The following SLC5A4 variants were observed in gnomAD, a reference collection of about 807,000 sequenced individuals.
SLC5A4 encodes solute carrier family 5 member 4.
A neutral mutation model predicts 70.3 loss-of-function variants in SLC5A4; 55 were observed. The ratio of observed to expected loss-of-function variants is 0.78; its 90% CI spans 0.63 to 0.98. The LOEUF (loss-of-function observed/expected upper bound fraction) is 0.98, where lower values mean the gene tolerates loss of function less well. SLC5A4 is among the 50% of genes least tolerant of loss of function. The pLI is 0.00. For synonymous variants in SLC5A4, 268 were observed against 305.7 expected, an observed-to-expected ratio of 0.88 and a Z score of 1.29; for missense variants, 735 against 839.2, an observed-to-expected ratio of 0.88 and a Z score of 1.53.
At chr22:32,275,014 A>C in the SLC5A4 span, among the ~76,000 whole-genome samples, 2 of 152,210 alleles carry the variant, frequency 1.3e-5, no homozygotes, top group East Asian at 3.9e-4. Flanking sequence ...TCATTAACTC[A>C]CTTGTTTGAT....
chr22:32,296,337 C>T, the SLC5A4 span, among the ~76,000 whole-genome samples: 8 of 78,472 alleles, frequency 1.0e-4, 1 homozygote, highest in Non-Finnish European at 2.1e-4. Flanking sequence ...TTTCCTTGAG[C>T]AGTGGTTTGT....
the SLC5A4 span, among the ~76,000 whole-genome samples, chr22:32,330,928 GGTGTGTATGTGTTGGAGGCTCTGGT>G: frequency 3.5e-4 from 14 of 40,046 alleles, no homozygotes; most frequent in South Asian, 1.0e-3. Flanking sequence ...GGAGGCCTCT[GGTGTGTATGTGTTGGAGGCTCTGGT>G]GTGTGTGTGT....
the SLC5A4 span, among the ~76,000 whole-genome samples, chr22:32,337,804 A>C: frequency 1.1e-4 from 16 of 152,286 alleles, no homozygotes; most frequent in African/African-American, 3.4e-4. Context: ...CCACTTAATA[A>C]ATTTCCACCA....
chr22:32,265,770 G>C, the SLC5A4 span, among the ~76,000 whole-genome samples: 2 of 151,766 alleles, frequency 1.3e-5, no homozygotes, highest in East Asian at 3.9e-4. Flanking sequence ...AACCGGGGAG[G>C]TGGAGGTTGC....
chr22:32,340,122 C>G, the SLC5A4 span, among the ~76,000 whole-genome samples: 3 of 137,562 alleles, frequency 2.2e-5, no homozygotes, highest in Non-Finnish European at 4.6e-5. Flanking sequence ...CTGTGCGTTT[C>G]CCAGGAATCT....
chr22:32,306,674 C>G, the SLC5A4 span, among the ~76,000 whole-genome samples: 1 of 152,122 alleles, frequency 6.6e-6, no homozygotes, highest in Non-Finnish European at 1.5e-5. Flanking sequence ...CCGCTGTATG[C>G]CCTTGTCTGG....
chr22:32,255,358 C>T (rs186109616), upstream of SLC5A4: 75 of 1,606,584 alleles, frequency 4.7e-5, no homozygotes, highest in East Asian at 6.7e-5. Context: ...ACCCATTCCA[C>T]GCATGAGCCA....
At chr22:32,347,680 G>GA in the SLC5A4 span, among the ~76,000 whole-genome samples, 2 of 118,924 alleles carry the variant, frequency 1.7e-5, no homozygotes, top group Non-Finnish European at 3.3e-5. Flanking sequence ...ACAGGAAGGG[G>GA]AACATCACAC....
chr22:32,335,642 G>A, the SLC5A4 span, among the ~76,000 whole-genome samples: 5 of 152,212 alleles, frequency 3.3e-5, no homozygotes, highest in Non-Finnish European at 5.9e-5. Context: ...TGGGCAGCAC[G>A]GAGTCCGGTC....
the SLC5A4 span, among the ~76,000 whole-genome samples, chr22:32,309,032 G>C: frequency 2.0e-5 from 3 of 152,084 alleles, no homozygotes; most frequent in African/African-American, 7.2e-5. Context: ...TCTGCCTCCT[G>C]TGTTCATGTT....
chr22:32,351,579 G>A, the SLC5A4 span, among the ~76,000 whole-genome samples: 1 of 150,478 alleles, frequency 6.6e-6, no homozygotes, highest in Admixed American at 6.6e-5. Context: ...GTATTCGCTT[G>A]TAATCCCAGC....
the SLC5A4 span, chr22:32,271,024 C>T: frequency 1.1e-5 from 6 of 546,500 alleles, no homozygotes; most frequent in Admixed American, 8.4e-5. Flanking sequence ...GCCCCACAGT[C>T]GGTGATGAGG....
chr22:32,289,308 G>A, the SLC5A4 span, among the ~76,000 whole-genome samples: 1 of 152,054 alleles, frequency 6.6e-6, no homozygotes, highest in Non-Finnish European at 1.5e-5. Context: ...GATATGGTTT[G>A]GCTCTGTGTC....
the SLC5A4 span, among the ~76,000 whole-genome samples, chr22:32,330,520 GT>G: frequency 8.4e-6 from 1 of 118,812 alleles, no homozygotes; most frequent in African/African-American, 3.2e-5. Flanking sequence ...GTTGGGGGCT[GT>G]GTGTGTCTGT....
At chr22:32,335,457 G>A in the SLC5A4 span, among the ~76,000 whole-genome samples, 1 of 152,226 alleles carries the variant, frequency 6.6e-6, no homozygotes, top group Non-Finnish European at 1.5e-5. Flanking sequence ...AGTGGACAGA[G>A]ACAAGAAAAG....
At chr22:32,251,630 C>A in intron 3 of SLC5A4, 140 bp downstream of exon 3, 1 of 636,266 alleles carries the variant, frequency 1.6e-6, no homozygotes, top group Non-Finnish European at 2.8e-6. Flanking sequence ...TTGCACTTCC[C>A]AGCCTTCAGA....
chr22:32,230,097 G>A lies in SLC5A4; in HGVS notation c.1130-753C>T, dbSNP rs567165716. On this transcript the variant is annotated intron_variant, in intron 10 of 14. Coordinates refer to ENST00000266086, the MANE Select transcript of SLC5A4 (RefSeq NM_014227.3). ...CCAGTTCCCTCTGCCCATTAGTAAC[G>A]GCCCTAAGCCTCCTAGGACAGAGTG... 2.8e-4 allele frequency among the ~76,000 whole-genome samples: 42 copies of A among 152,210 alleles called. No individual in the cohort carries two copies. The Middle Eastern group carries it at 0.014, about 49-fold the overall frequency.
intron 14 of SLC5A4, among the ~76,000 whole-genome samples, chr22:32,219,645 A>AAAAAAAAAAAAAAAAAAAAC: frequency 6.7e-6 from 1 of 148,714 alleles, no homozygotes; most frequent in African/African-American, 2.4e-5. Context: ...AAAAAAAAAA[A>AAAAAAAAAAAAAAAAAAAAC]AAAAAAAGAA....
At chr22:32,245,057 A>C (rs1040904165) in intron 5 of SLC5A4, among the ~76,000 whole-genome samples, 1 of 152,220 alleles carries the variant, frequency 6.6e-6, no homozygotes, top group Admixed American at 6.5e-5. Flanking sequence ...ATAATAGTTT[A>C]TATCAAATCT....
Sources: allele counts gnomAD v4.1 joint callset (sites outside exome capture counted in the v4.1 genomes callset), GRCh38; gene constraint gnomAD v4.1.1; transcripts MANE v1.5; gene names NCBI Gene and HGNC (gene_info 2026-07-23, HGNC 2026-07-21).